The following STK32B variants were observed in gnomAD, a reference collection of about 807,000 sequenced individuals.
STK32B encodes the protein serine/threonine-protein kinase 32B.
Under a neutral mutation model 52.6 loss-of-function variants are expected in STK32B, and 43 were observed. That is an observed-to-expected ratio of 0.82 (90% CI 0.64 to 1.05). STK32B has a LOEUF of 1.05. Ranked by LOEUF, STK32B falls within the 50% of genes least tolerant of loss-of-function variation. The probability of loss-of-function intolerance (pLI) is 0.00; values close to 1 mark genes in which losing one functional copy is unlikely to be tolerated. For missense variants in STK32B, 621 were observed against 534.6 expected (o/e 1.16, Z -1.59); for synonymous variants, 238 against 204.3 (o/e 1.17, Z -1.41).
rs551563035 is a variant in STK32B, at chr4:5,402,378, A to G, written c.472+4134A>G. The stretch of plus-strand genomic sequence containing the variant: ...AGGTGGACTTCCCCAAAGGTGGGCA[A>G]GGAGAGAAGAGTGAGAGACAGAAGG... On this transcript the variant is annotated intron_variant, in intron 5 of 11. Coordinates refer to ENST00000282908, the MANE Select transcript of STK32B (RefSeq NM_018401.3). 5.3e-5 allele frequency among the ~76,000 whole-genome samples: 8 copies of G among 152,238 alleles called. 1 individual carries two copies. Among genetic ancestry groups the G allele is most frequent in the Admixed American group, 2.0e-4 (3 of 15,288 alleles).
chr4:5,104,776 G>T (rs1714008165), intron 1 of STK32B, among the ~76,000 whole-genome samples: 1 of 152,170 alleles, frequency 6.6e-6, no homozygotes, highest in African/African-American at 2.4e-5. Flanking sequence ...AATTATGAAT[G>T]AATATTATTT....
intron 5 of STK32B, among the ~76,000 whole-genome samples, chr4:5,406,221 C>A (rs544073779): frequency 1.3e-5 from 2 of 152,342 alleles, no homozygotes; most frequent in South Asian, 2.1e-4. Flanking sequence ...CCAGGCCACA[C>A]TGATGCAAGG....
Position 5,382,035 on chromosome 4 carries a change from G to A in STK32B, c.435-16172G>A, listed in dbSNP as rs559656343. Among the ~76,000 whole-genome samples the A allele has an allele frequency of 7.2e-5, 11 of 152,298 alleles. No homozygotes were observed. In the East Asian group the frequency reaches 1.4e-3, roughly 19 times the overall value. On this transcript the variant is annotated intron_variant, in intron 4 of 11. Transcript: ENST00000282908. The stretch of plus-strand genomic sequence containing the variant: ...AAATCCAAAGGCCATCTGCTGGCAC[G>A]ATTCCCCCTTGCTTGCGAGAGGCCA...
chr4:5,472,117 A>G (rs181826779), intron 11 of STK32B, among the ~76,000 whole-genome samples: 1 of 152,340 alleles, frequency 6.6e-6, no homozygotes, highest in African/African-American at 2.4e-5. Flanking sequence ...CAGGGCATCC[A>G]CTGTGTCAGC....
At position 5,391,408 on chromosome 4, in the gene STK32B, T is replaced by C. The variant is rs79359055; in HGVS notation, c.435-6799T>C. ...CAAAGACGCTATTTGCTGGCACATATAGACACACACTTTCCTGCAAAGACA... is the reference window on the plus strand; with the variant it reads ...CAAAGACGCTATTTGCTGGCACATACAGACACACACTTTCCTGCAAAGACA... On this transcript the variant is annotated intron_variant, in intron 4 of 11. Coordinates refer to ENST00000282908, the MANE Select transcript of STK32B (RefSeq NM_018401.3). Among the ~76,000 whole-genome samples the C allele has an allele frequency of 9.4e-4, 143 of 152,302 alleles. 2 individuals carry two copies. The East Asian group carries it at 0.025, about 27-fold the overall frequency.
chr4:5,202,982 A>G (rs188084633), intron 3 of STK32B, among the ~76,000 whole-genome samples: 1 of 152,220 alleles, frequency 6.6e-6, no homozygotes, highest in African/African-American at 2.4e-5. Flanking sequence ...GCAAATTCAC[A>G]GTGTGGAATT....
chr4:5,117,852 A>G (rs1900558), intron 1 of STK32B, among the ~76,000 whole-genome samples: 26,965 of 152,078 alleles, frequency 0.18, 3,176 homozygotes, highest in East Asian at 0.41. Flanking sequence ...GTGTTGTATC[A>G]TGTTTACAGA....
chr4:5,288,290 T>A (rs61240563), intron 3 of STK32B, among the ~76,000 whole-genome samples: 29,125 of 152,114 alleles, frequency 0.19, 5,807 homozygotes, highest in African/African-American at 0.51. Flanking sequence ...AGTAACTCTT[T>A]GTTTAACATG....
At chr4:5,280,431 C>G (rs1728118875) in intron 3 of STK32B, among the ~76,000 whole-genome samples, 1 of 152,178 alleles carries the variant, frequency 6.6e-6, no homozygotes, top group African/African-American at 2.4e-5. Flanking sequence ...TTTCCCTCAT[C>G]TTCCTGACTC....
intron 2 of STK32B, among the ~76,000 whole-genome samples, chr4:5,163,278 T>A (rs1310625997): frequency 6.6e-6 from 1 of 152,212 alleles, no homozygotes; most frequent in East Asian, 1.9e-4. Context: ...GCAAGGCCTC[T>A]GTCTGCAGGG....
intron 3 of STK32B, among the ~76,000 whole-genome samples, chr4:5,237,846 A>C (rs1249704864): frequency 6.6e-6 from 1 of 152,170 alleles, no homozygotes; most frequent in Non-Finnish European, 1.5e-5. Context: ...TTTTCTGGTG[A>C]AGGACCTAGG....
At chr4:5,021,390 C>T in the STK32B span, among the ~76,000 whole-genome samples, 1 of 152,270 alleles carries the variant, frequency 6.6e-6, no homozygotes, top group Non-Finnish European at 1.5e-5. Context: ...TTGGAGGTGG[C>T]AAGTGGAGGC....
chr4:5,366,422 C>T (rs1734881515), intron 4 of STK32B, among the ~76,000 whole-genome samples: 1 of 152,188 alleles, frequency 6.6e-6, no homozygotes, highest in African/African-American at 2.4e-5. Context: ...TTGGCTCTGC[C>T]ACTTGATCTC....
chr4:5,246,086 A>G (rs540621250), intron 3 of STK32B, among the ~76,000 whole-genome samples: 17 of 152,124 alleles, frequency 1.1e-4, no homozygotes, highest in African/African-American at 1.2e-4. Context: ...TCTTTGTGGC[A>G]TTCTCTGTAT....
At chr4:5,286,304 T>G (rs573036999) in intron 3 of STK32B, among the ~76,000 whole-genome samples, 1 of 152,276 alleles carries the variant, frequency 6.6e-6, no homozygotes, top group East Asian at 1.9e-4. Context: ...CTATAAGATG[T>G]GGAGAGTCGG....
chr4:5,312,855 T>G (rs1486476743), intron 3 of STK32B, among the ~76,000 whole-genome samples: 1 of 152,056 alleles, frequency 6.6e-6, no homozygotes, highest in African/African-American at 2.4e-5. Flanking sequence ...CCCTGAGGAA[T>G]TGCCACAGTG....
chr4:5,220,714 G>A lies in STK32B; in HGVS notation c.260+52264G>A, dbSNP rs544230016. On this transcript the variant is annotated intron_variant, in intron 3 of 11. Transcript: ENST00000282908. ...GTTTTAAGTAGGGAGAGAGACATGG[G>A]ATTATGTCTGCCTTGTTAGCTAGCT... is the stretch of plus-strand genomic sequence containing the variant. 1.1e-4 allele frequency among the ~76,000 whole-genome samples: 16 copies of A among 152,282 alleles called. No homozygotes were observed. In the South Asian group the frequency reaches 3.3e-3, roughly 32 times the overall value.
intron 2 of STK32B, among the ~76,000 whole-genome samples, chr4:5,159,705 G>A: frequency 1.1e-5 from 1 of 92,204 alleles, no homozygotes; most frequent in Admixed American, 1.2e-4. Context: ...GAATATATAT[G>A]AATATATATA....
chr4:5,073,892 TTTTC>T (rs1711923039), intron 1 of STK32B, among the ~76,000 whole-genome samples: 2 of 152,052 alleles, frequency 1.3e-5, no homozygotes, highest in Admixed American at 1.3e-4. Context: ...ATTCCTGAAT[TTTTC>T]TTTATCTTTT....
Sources: gnomAD v4.1 joint callset for allele counts (sites outside exome capture counted in the v4.1 genomes callset) on GRCh38, gnomAD v4.1.1 for gene constraint, MANE v1.5 for transcripts, NCBI Gene and HGNC (gene_info 2026-07-23, HGNC 2026-07-21) for gene names.